ASIC2: variants seen among roughly 807,000 people sequenced by gnomAD.
ASIC2 encodes acid sensing ion channel subunit 2.
ASIC2 carries 25 observed loss-of-function variants against 57.3 expected under a neutral mutation model. That is an observed-to-expected ratio of 0.44 (90% CI 0.32 to 0.61). The LOEUF (loss-of-function observed/expected upper bound fraction) is 0.61. ASIC2 is among the 20% of genes least tolerant of loss of function. The probability of loss-of-function intolerance (pLI) is 0.06; values close to 1 mark genes in which losing one functional copy is unlikely to be tolerated. For missense variants in ASIC2, 641 were observed against 738.1 expected, an observed-to-expected ratio of 0.87 and a Z score of 1.52; for synonymous variants, 319 against 307.5, an observed-to-expected ratio of 1.04 and a Z score of -0.39.
intron 1 of ASIC2, among the ~76,000 whole-genome samples, chr17:33,760,540 T>A (rs1049449636): frequency 1.3e-5 from 2 of 151,862 alleles, no homozygotes; most frequent in African/African-American, 2.4e-5. Flanking sequence ...GTGTGTGCCA[T>A]AGATTTATAT....
intron 1 of ASIC2, among the ~76,000 whole-genome samples, chr17:33,922,609 T>C (rs1019250268): frequency 2.6e-5 from 4 of 152,234 alleles, no homozygotes; most frequent in Non-Finnish European, 4.4e-5. Flanking sequence ...ATGTGAACTA[T>C]GTATCAGGCT....
At chr17:33,949,771 A>T (rs1904499974) in intron 1 of ASIC2, among the ~76,000 whole-genome samples, 1 of 152,238 alleles carries the variant, frequency 6.6e-6, no homozygotes, top group South Asian at 2.1e-4. Context: ...CGGTTGTACA[A>T]AATGGAAGAG....
intron 1 of ASIC2, among the ~76,000 whole-genome samples, chr17:33,125,645 C>G (rs1341861033): frequency 6.6e-6 from 1 of 152,212 alleles, no homozygotes; most frequent in Non-Finnish European, 1.5e-5. Context: ...GATAAAATAG[C>G]TTAAGATCAT....
chr17:33,474,715 C>A (rs1354594880), intron 1 of ASIC2, among the ~76,000 whole-genome samples: 1 of 152,164 alleles, frequency 6.6e-6, no homozygotes, highest in Non-Finnish European at 1.5e-5. Flanking sequence ...GGCAAGGGAG[C>A]CTGTTGATTT....
At chr17:33,158,548 C>T (rs1905074816) in intron 1 of ASIC2, among the ~76,000 whole-genome samples, 1 of 152,220 alleles carries the variant, frequency 6.6e-6, no homozygotes, top group Admixed American at 6.5e-5. Flanking sequence ...TCCAATAATG[C>T]AAATCCTCTG....
chr17:33,154,293 C>T (rs1904912665), intron 1 of ASIC2, among the ~76,000 whole-genome samples: 1 of 152,238 alleles, frequency 6.6e-6, no homozygotes, highest in Non-Finnish European at 1.5e-5. Context: ...AAGAATCCTC[C>T]TGCCTCAGCT....
chr17:33,139,935 G>C (rs932899189), intron 1 of ASIC2, among the ~76,000 whole-genome samples: 1 of 152,190 alleles, frequency 6.6e-6, no homozygotes, highest in Non-Finnish European at 1.5e-5. Flanking sequence ...GGACTAACAC[G>C]TTTTGCCCCA....
At chr17:34,007,620 G>C (rs1272000750) in intron 1 of ASIC2, among the ~76,000 whole-genome samples, 1 of 152,208 alleles carries the variant, frequency 6.6e-6, no homozygotes, top group Non-Finnish European at 1.5e-5. Flanking sequence ...GCATGGCAGA[G>C]CCAGAATGAG....
intron 1 of ASIC2, among the ~76,000 whole-genome samples, chr17:33,585,491 G>C (rs965794318): frequency 6.6e-6 from 1 of 152,162 alleles, no homozygotes; most frequent in African/African-American, 2.4e-5. Context: ...GCAGATACCA[G>C]CTGCACTTTT....
At chr17:34,126,713 A>G (rs898166995) in intron 1 of ASIC2, among the ~76,000 whole-genome samples, 4 of 152,174 alleles carry the variant, frequency 2.6e-5, no homozygotes, top group African/African-American at 7.2e-5. Context: ...AGGCAGGCAC[A>G]GGCAGGGGAT....
At chr17:33,094,547 G>A (rs1374361538) in intron 2 of ASIC2, among the ~76,000 whole-genome samples, 1 of 152,030 alleles carries the variant, frequency 6.6e-6, no homozygotes, top group Non-Finnish European at 1.5e-5. Context: ...CTCTGCTTGG[G>A]TCCTGACTGG....
intron 1 of ASIC2, among the ~76,000 whole-genome samples, chr17:33,959,768 C>T (rs2141990953): frequency 6.6e-6 from 1 of 152,346 alleles, no homozygotes; most frequent in African/African-American, 2.4e-5. Flanking sequence ...TCTCCCAGTC[C>T]ACTGACTCAA....
chr17:33,108,998 C>T (rs1337094607), intron 2 of ASIC2, among the ~76,000 whole-genome samples: 1 of 152,194 alleles, frequency 6.6e-6, no homozygotes, highest in Non-Finnish European at 1.5e-5. Flanking sequence ...CCCCCTGCAG[C>T]TAGCTAATTT....
At chr17:33,661,871 A>G (rs1323376325) in intron 1 of ASIC2, among the ~76,000 whole-genome samples, 1 of 152,132 alleles carries the variant, frequency 6.6e-6, no homozygotes, top group African/African-American at 2.4e-5. Flanking sequence ...TAAAACCACC[A>G]TAGAACTTAC....
chr17:33,395,397 G>A (rs1910041290), intron 1 of ASIC2, among the ~76,000 whole-genome samples: 2 of 152,164 alleles, frequency 1.3e-5, no homozygotes, highest in South Asian at 4.1e-4. Flanking sequence ...TTACATGAAT[G>A]GCAGCAGGCA....
At chr17:33,063,502 T>C (rs1242998178) in intron 3 of ASIC2, among the ~76,000 whole-genome samples, 2 of 152,004 alleles carry the variant, frequency 1.3e-5, no homozygotes, top group African/African-American at 4.9e-5. Context: ...CCCTCTCTTC[T>C]GGCTTGTAGA....
rs573870364 is a variant in ASIC2, at chr17:33,429,742, C to A, written c.556-317675G>T. ...GATCTGAGGCATTTTGTTGCCTGAG[C>A]AAAGACAGAGAGGGGCATATGAGAG... On this transcript the variant is annotated intron_variant, in intron 1 of 9. Transcript: ENST00000359872. 2.4e-4 allele frequency among the ~76,000 whole-genome samples: 37 copies of A among 152,228 alleles called. No homozygotes were observed. In the South Asian group the frequency reaches 7.1e-3, roughly 29 times the overall value.
intron 2 of ASIC2, among the ~76,000 whole-genome samples, chr17:33,106,538 C>A (rs2092235259): frequency 6.6e-6 from 1 of 152,200 alleles, no homozygotes; most frequent in Non-Finnish European, 1.5e-5. Context: ...GTAACCCACC[C>A]TCAATTCTCA....
At chr17:33,602,151 G>A (rs1437029951) in intron 1 of ASIC2, among the ~76,000 whole-genome samples, 1 of 152,196 alleles carries the variant, frequency 6.6e-6, no homozygotes, top group African/African-American at 2.4e-5. Context: ...GTTGATGCTG[G>A]AATAAGTTAG....
Sources: allele counts gnomAD v4.1 joint callset (sites outside exome capture counted in the v4.1 genomes callset), GRCh38; gene constraint gnomAD v4.1.1; transcripts MANE v1.5; gene names NCBI Gene and HGNC (gene_info 2026-07-23, HGNC 2026-07-21).